Variants in SOS2 observed in about 807,000 individuals in gnomAD.
SOS2 encodes the protein son of sevenless homolog 2.
In SOS2, 65 loss-of-function variants were observed where a neutral mutation model predicts 148.2. The observed-to-expected ratio is 0.44, with a 90% CI of 0.36 to 0.54. The LOEUF (loss-of-function observed/expected upper bound fraction) is 0.54. Among genes scored for constraint, SOS2 ranks in the 20% least tolerant of loss-of-function variants. SOS2 has a pLI of 0.00. For synonymous variants in SOS2, 539 were observed against 537.1 expected (o/e 1.00, Z -0.05); for missense variants, 1,341 against 1,590.2 (o/e 0.84, Z 2.67).
rs1884171940 is a variant in SOS2, at chr14:50,138,822, T to G, written c.2786-38A>C. ...AAAAAAGAATTTAAAGAAAAGTTAT[T>G]TTAAATTTTGTTATTTAATCAATTA... On this transcript the variant is annotated intron_variant, in intron 17 of 22. Transcript: ENST00000216373. 3 of 734,126 alleles carry G rather than the reference T, an allele frequency of 4.1e-6. No homozygotes were observed. In the East Asian group the frequency reaches 8.9e-5, roughly 22 times the overall value. The allele number at this position is 734,126 out of a possible 1,614,324, so 45.5% of individuals were successfully genotyped here.
chr14:50,171,114 C>CAAA (rs61570128), intron 8 of SOS2, among the ~76,000 whole-genome samples: 3 of 129,396 alleles, frequency 2.3e-5, no homozygotes, highest in Non-Finnish European at 5.0e-5. Flanking sequence ...AACTCCATCT[C>CAAA]AAAAAAAAAA....
intron 4 of SOS2, among the ~76,000 whole-genome samples, chr14:50,194,224 G>A (rs1886245387): frequency 6.6e-6 from 1 of 152,162 alleles, no homozygotes; most frequent in African/African-American, 2.4e-5. Flanking sequence ...CTGCTTTCAT[G>A]CTACAAGAGC....
intron 6 of SOS2, among the ~76,000 whole-genome samples, chr14:50,181,710 A>G (rs1462543988): frequency 6.6e-6 from 1 of 152,106 alleles, no homozygotes; most frequent in African/African-American, 2.4e-5. Context: ...TTTTGCAAAC[A>G]CACATACATT....
chr14:50,195,079 G>A (rs370668788), intron 4 of SOS2, among the ~76,000 whole-genome samples: 4 of 151,990 alleles, frequency 2.6e-5, no homozygotes, highest in East Asian at 1.9e-4. Context: ...ATAAATTCAC[G>A]TTCATTCTTA....
chr14:50,175,317 CATAG>C (rs138976129), intron 7 of SOS2, among the ~76,000 whole-genome samples: 2,524 of 152,018 alleles, frequency 0.017, 70 homozygotes, highest in African/African-American at 0.058. Flanking sequence ...TATGACATAA[CATAG>C]ATAGATGACA....
intron 14 of SOS2, among the ~76,000 whole-genome samples, chr14:50,148,513 G>T (rs1555369401): frequency 6.6e-6 from 1 of 151,646 alleles, no homozygotes; most frequent in Non-Finnish European, 1.5e-5. Flanking sequence ...CTTTTTTTCT[G>T]ATGTCCATTC....
chr14:50,182,540 T>C lies in SOS2; in HGVS notation c.781A>G (p.Ile261Val). ...HELTVKLLGL[I>V]EDTVEMTDES... Reference sequence around the variant, plus strand: ...TCAGTCATTTCAACTGTGTCTTCAATCAAACCTAAAAGTTTCACAGTCAAT... The same window carrying C: ...TCAGTCATTTCAACTGTGTCTTCAACCAAACCTAAAAGTTTCACAGTCAAT... The change falls in exon 6 of 23, where the codon ATT (isoleucine) becomes GTT (valine). Residue 261 changes from isoleucine to valine, a missense_variant. Coordinates refer to ENST00000216373, the MANE Select transcript of SOS2 (RefSeq NM_006939.4). The C allele has an allele frequency of 1.2e-6, 2 of 1,611,804 alleles. No homozygotes were observed. Among genetic ancestry groups the C allele is most frequent in the Non-Finnish European group, 1.7e-6 (2 of 1,177,878 alleles).
intron 5 of SOS2, among the ~76,000 whole-genome samples, chr14:50,187,307 C>T (rs907955828): frequency 1.1e-4 from 16 of 150,444 alleles, no homozygotes; most frequent in Non-Finnish European, 2.1e-4. Context: ...GCCACTGCAC[C>T]TGGCCAAGAC....
At chr14:50,223,600 G>C (rs1175867056) in intron 1 of SOS2, among the ~76,000 whole-genome samples, 1 of 152,074 alleles carries the variant, frequency 6.6e-6, no homozygotes, top group South Asian at 2.1e-4. Context: ...ACTTGAACCT[G>C]AGAGGTGGAG....
intron 14 of SOS2, among the ~76,000 whole-genome samples, chr14:50,146,994 A>C (rs75362312): frequency 0.021 from 3,157 of 152,072 alleles, 72 homozygotes; most frequent in Non-Finnish European, 0.026. Flanking sequence ...AAAGGGTTTG[A>C]GACTATCCTG....
intron 2 of SOS2, among the ~76,000 whole-genome samples, 169 bp from the exon 3 acceptor site, chr14:50,201,253 C>A (rs1014692877): frequency 6.6e-6 from 1 of 152,012 alleles, no homozygotes; most frequent in Non-Finnish European, 1.5e-5. Context: ...AAAGGTCAGG[C>A]TGGGCGCGGT....
At chr14:50,208,075 C>T (rs1886729397) in intron 1 of SOS2, among the ~76,000 whole-genome samples, 1 of 152,064 alleles carries the variant, frequency 6.6e-6, no homozygotes, top group Admixed American at 6.6e-5. Flanking sequence ...GCGGGTGGAT[C>T]ACTTGAGGTC....
intron 4 of SOS2, among the ~76,000 whole-genome samples, chr14:50,191,295 T>C (rs1287471625): frequency 1.3e-5 from 2 of 151,988 alleles, no homozygotes; most frequent in Admixed American, 1.3e-4. Flanking sequence ...CAAGATTCTA[T>C]CTCTACCAAA....
chr14:50,150,777 T>C (rs1376641356), intron 13 of SOS2, among the ~76,000 whole-genome samples: 2 of 151,940 alleles, frequency 1.3e-5, no homozygotes, highest in African/African-American at 2.4e-5. Flanking sequence ...GGCTGGAGAA[T>C]AATGGCGTGA....
Position 50,213,030 on chromosome 14 carries a change from T to C in SOS2, c.88-8621A>G, listed in dbSNP as rs187591178. ...CTCATTAACCTTCTGTCATTTGTAC[T>C]ACACTAAAACAAGGGTATGAATCAA... On this transcript the variant is annotated intron_variant, in intron 1 of 22. Coordinates refer to ENST00000216373, the MANE Select transcript of SOS2 (RefSeq NM_006939.4). Among the ~76,000 whole-genome samples, 13 of 152,264 alleles carry C rather than the reference T, an allele frequency of 8.5e-5. No individual in the cohort carries two copies. In the East Asian group the frequency reaches 1.7e-3, roughly 20 times the overall value.
chr14:50,218,496 C>T (rs541597029), intron 1 of SOS2, among the ~76,000 whole-genome samples: 90 of 151,800 alleles, frequency 5.9e-4, no homozygotes, highest in Non-Finnish European at 1.1e-3. Flanking sequence ...GCACTCCAGC[C>T]TGGGCGACAG....
At chr14:50,200,684 T>TA (rs555057450) in intron 3 of SOS2, among the ~76,000 whole-genome samples, 77 of 141,794 alleles carry the variant, frequency 5.4e-4, no homozygotes, top group Middle Eastern at 3.5e-3. Flanking sequence ...TGTCTCTACT[T>TA]AAAAAAAAAA....
At chr14:50,224,190 C>T (rs528343279) in intron 1 of SOS2, among the ~76,000 whole-genome samples, 8 of 151,186 alleles carry the variant, frequency 5.3e-5, no homozygotes, top group Non-Finnish European at 8.8e-5. Flanking sequence ...ACTCGGGAGG[C>T]TGAGACAGGA....
At chr14:50,225,730 T>C (rs926652273) in intron 1 of SOS2, among the ~76,000 whole-genome samples, 1 of 152,158 alleles carries the variant, frequency 6.6e-6, no homozygotes, top group African/African-American at 2.4e-5. Flanking sequence ...TCACAGGATC[T>C]CTTATTAGTT....
Sources: gnomAD v4.1 joint callset for allele counts (sites outside exome capture counted in the v4.1 genomes callset) on GRCh38, gnomAD v4.1.1 for gene constraint, MANE v1.5 for transcripts, NCBI Gene and HGNC (gene_info 2026-07-23, HGNC 2026-07-21) for gene names.